The following LYPLAL1 variants were observed in gnomAD, a reference collection of about 807,000 sequenced individuals.
The protein encoded by LYPLAL1 is lysophospholipase like 1, also known as lysophospholipase-like protein 1.
LYPLAL1 carries 23 observed loss-of-function variants against 19.7 expected under a neutral mutation model. That is an observed-to-expected ratio of 1.17 (90% CI 0.84 to 1.65). The LOEUF is 1.65. Among genes scored for constraint, LYPLAL1 ranks in the 40% most tolerant of loss-of-function variants. The pLI, the probability that LYPLAL1 is intolerant of heterozygous loss-of-function variation, is 0.00. For synonymous variants in LYPLAL1, 119 were observed against 96.3 expected (o/e 1.24, Z -1.38); for missense variants, 355 against 279.4 (o/e 1.27, Z -1.93).
chr1:219,282,974 G>C, the LYPLAL1 span, among the ~76,000 whole-genome samples: 1 of 152,046 alleles, frequency 6.6e-6, no homozygotes, highest in Non-Finnish European at 1.5e-5. Context: ...TCCTTTTCTT[G>C]GTGGGGCTCT....
chr1:219,382,159 G>A, the LYPLAL1 span, among the ~76,000 whole-genome samples: 1 of 152,164 alleles, frequency 6.6e-6, no homozygotes, highest in Non-Finnish European at 1.5e-5. Context: ...TCACAATTTT[G>A]TATAAGGTTG....
chr1:219,328,062 T>C, the LYPLAL1 span, among the ~76,000 whole-genome samples: 4 of 152,208 alleles, frequency 2.6e-5, no homozygotes, highest in Non-Finnish European at 5.9e-5. Flanking sequence ...TATCTAAAGG[T>C]TTGCTTACAC....
chr1:219,308,448 C>A, the LYPLAL1 span, among the ~76,000 whole-genome samples: 1 of 152,292 alleles, frequency 6.6e-6, no homozygotes, highest in African/African-American at 2.4e-5. Flanking sequence ...TGTCTCAGAG[C>A]ATGTCAGAGA....
At chr1:219,360,513 A>C in the LYPLAL1 span, among the ~76,000 whole-genome samples, 1 of 152,192 alleles carries the variant, frequency 6.6e-6, no homozygotes, top group Non-Finnish European at 1.5e-5. Context: ...AATTATTTTT[A>C]TTCTTCTTCA....
the LYPLAL1 span, among the ~76,000 whole-genome samples, chr1:219,371,704 G>A: frequency 2.6e-5 from 4 of 152,084 alleles, no homozygotes; most frequent in Non-Finnish European, 5.9e-5. Flanking sequence ...GAAGACAAAC[G>A]CCAAGCTGTA....
At chr1:219,179,098 A>G (rs1656051312) in intron 1 of LYPLAL1, 49 bp from the exon 2 acceptor site, 2 of 1,317,164 alleles carry the variant, frequency 1.5e-6, no homozygotes, top group East Asian at 2.5e-5. Context: ...TTTGAAATGC[A>G]TTGTATTACT....
rs1328536822 is a variant in LYPLAL1 at position 219,212,826 on chromosome 1, G to A, written c.*1098G>A. The A allele has an allele frequency of 1.3e-5, 2 of 152,018 alleles. No individual in the cohort carries two copies. The highest frequency in any genetic ancestry group is 2.9e-5 in the Non-Finnish European group (2 of 67,944). The allele number at this position is 152,018 out of a possible 1,614,324, so 9.4% of individuals were successfully genotyped here. A position where few individuals can be genotyped will look rare whatever the true frequency, so the allele number is the denominator to read the frequency against. On this transcript the variant is annotated 3_prime_UTR_variant, in exon 5 of 5. Transcript: ENST00000366928. The stretch of plus-strand genomic sequence containing the variant: ...GATATATAAGTTGCTTCCAGTGTGA[G>A]GCTGTTTTAAATAAAGCTGCTATGA...
the LYPLAL1 span, among the ~76,000 whole-genome samples, chr1:219,252,912 C>T: frequency 6.6e-6 from 1 of 151,994 alleles, no homozygotes. Flanking sequence ...CCGTCAGGTC[C>T]CAGGCTTCGT....
Position 219,210,661 on chromosome 1 carries a change from T to A in LYPLAL1, c.477+14T>A, listed in dbSNP as rs771083267. Reference sequence around the variant, plus strand: ...GCTGTTTACCAGGTAAGTTCCAGATTTAAAAAAAAATGAAAAAAATATGAA... The same window carrying A: ...GCTGTTTACCAGGTAAGTTCCAGATATAAAAAAAAATGAAAAAAATATGAA... On this transcript the variant is annotated intron_variant, in intron 4 of 4. Coordinates refer to ENST00000366928, the MANE Select transcript of LYPLAL1 (RefSeq NM_138794.5). 3 of 1,589,646 alleles carry A rather than the reference T, an allele frequency of 1.9e-6. No individual in the cohort carries two copies. Among genetic ancestry groups the A allele is most frequent in the East Asian group, 2.2e-5 (1 of 44,626 alleles).
chr1:219,178,909 G>C (rs1331256088), intron 1 of LYPLAL1, among the ~76,000 whole-genome samples: 1 of 151,824 alleles, frequency 6.6e-6, no homozygotes, highest in East Asian at 1.9e-4. Context: ...GCTTAAACAA[G>C]ATCTTCAGAG....
the LYPLAL1 span, among the ~76,000 whole-genome samples, chr1:219,335,414 A>G: frequency 4.6e-5 from 7 of 151,888 alleles, no homozygotes; most frequent in Non-Finnish European, 1.0e-4. Context: ...ATTTATATGT[A>G]ATTTTTCTGG....
the LYPLAL1 span, among the ~76,000 whole-genome samples, chr1:219,361,295 A>G: frequency 6.6e-6 from 1 of 152,306 alleles, no homozygotes; most frequent in Non-Finnish European, 1.5e-5. Flanking sequence ...GGAATGGACT[A>G]GTTGATTCTT....
At chr1:219,391,293 G>C in the LYPLAL1 span, among the ~76,000 whole-genome samples, 1 of 152,164 alleles carries the variant, frequency 6.6e-6, no homozygotes, top group African/African-American at 2.4e-5. Flanking sequence ...ACTTGGCTCA[G>C]CTTGCCACCT....
the LYPLAL1 span, among the ~76,000 whole-genome samples, chr1:219,400,712 C>G: frequency 6.6e-6 from 1 of 152,146 alleles, no homozygotes; most frequent in African/African-American, 2.4e-5. Context: ...TTTGGCCAGG[C>G]TGGTCTTGAA....
chr1:219,395,749 G>T, the LYPLAL1 span, among the ~76,000 whole-genome samples: 9 of 151,968 alleles, frequency 5.9e-5, no homozygotes, highest in African/African-American at 2.2e-4. Flanking sequence ...TTATAATTTT[G>T]GGTTTTACAT....
the LYPLAL1 span, among the ~76,000 whole-genome samples, chr1:219,404,176 C>T: frequency 6.6e-6 from 1 of 152,066 alleles, no homozygotes; most frequent in South Asian, 2.1e-4. Context: ...TCATAAGAGC[C>T]CCATTCTCAT....
chr1:219,344,192 T>TTGG, the LYPLAL1 span, among the ~76,000 whole-genome samples: 1 of 152,034 alleles, frequency 6.6e-6, no homozygotes, highest in African/African-American at 2.4e-5. Flanking sequence ...TCACTGTAGT[T>TTGG]TGTCTTCCCC....
At chr1:219,344,742 T>G in the LYPLAL1 span, among the ~76,000 whole-genome samples, 1 of 152,194 alleles carries the variant, frequency 6.6e-6, no homozygotes, top group Non-Finnish European at 1.5e-5. Flanking sequence ...ATAAAATGAT[T>G]GGAGTTCTCC....
At chr1:219,330,870 C>T in the LYPLAL1 span, among the ~76,000 whole-genome samples, 2,171 of 152,258 alleles carry the variant, frequency 0.014, 173 homozygotes, top group East Asian at 0.25. Flanking sequence ...GACCAAGGCT[C>T]TCTTTGGGTC....
Sources: gnomAD v4.1 joint callset for allele counts (sites outside exome capture counted in the v4.1 genomes callset) on GRCh38, gnomAD v4.1.1 for gene constraint, MANE v1.5 for transcripts, NCBI Gene and HGNC (gene_info 2026-07-23, HGNC 2026-07-21) for gene names.